AGPAT4: variants seen among roughly 807,000 people sequenced by gnomAD.
AGPAT4 encodes 1-acyl-sn-glycerol-3-phosphate acyltransferase delta.
In AGPAT4, 15 loss-of-function variants were observed where a neutral mutation model predicts 48.0. The observed-to-expected ratio is 0.31, with a 90% CI of 0.21 to 0.48. The LOEUF (loss-of-function observed/expected upper bound fraction) is 0.48. Ranked by LOEUF, AGPAT4 falls within the 20% of genes least tolerant of loss-of-function variation. The pLI is 0.99. For synonymous variants in AGPAT4, 178 were observed against 198.7 expected, an observed-to-expected ratio of 0.90 and a Z score of 0.88; for missense variants, 314 against 482.5, an observed-to-expected ratio of 0.65 and a Z score of 3.27.
intron 2 of AGPAT4, among the ~76,000 whole-genome samples, chr6:161,207,446 T>G (rs1038197572): frequency 3.9e-5 from 6 of 152,198 alleles, no homozygotes; most frequent in African/African-American, 1.4e-4. Context: ...GAAGATGCTA[T>G]AAAGCTGGGT....
rs1780721699 is a variant in AGPAT4 at position 161,184,794 on chromosome 6, C to CA, written c.179-18378dup. Among the ~76,000 whole-genome samples the CA allele has an allele frequency of 6.6e-6, 1 of 152,100 alleles. No individual in the cohort carries two copies. Among genetic ancestry groups the CA allele is most frequent in the African/African-American group, 2.4e-5 (1 of 41,414 alleles). On this transcript the variant is annotated intron_variant, in intron 2 of 8. Transcript: ENST00000320285. The surrounding 1 kb of genome is among the most constrained non-coding windows in gnomAD (Gnocchi z 4.8). Reference sequence around the variant, plus strand: ...CTAGGAGCAATGAGAGCTTGGTAGCCATAAATACCATCAGCCCTTAGATTT... The same window carrying CA: ...CTAGGAGCAATGAGAGCTTGGTAGCCAATAAATACCATCAGCCCTTAGATTT...
intron 2 of AGPAT4, among the ~76,000 whole-genome samples, chr6:161,213,148 C>CA (rs1265028154): frequency 2.0e-5 from 3 of 152,184 alleles, no homozygotes; most frequent in African/African-American, 4.8e-5. Flanking sequence ...TCACCCAACT[C>CA]ATAGGTATTT....
chr6:161,144,303 T>A lies in AGPAT4; in HGVS notation c.843+2221A>T, dbSNP rs762171744. On this transcript the variant is annotated intron_variant, in intron 7 of 8. Transcript: ENST00000320285. The surrounding 1 kb of genome is among the most constrained non-coding windows in gnomAD (Gnocchi z 6.6). ...GAGAAAGGGCCTGGACTCCAGCACC[T>A]GGCTTTGATCAGTGAGCTGGAAAAC... is the stretch of plus-strand genomic sequence containing the variant. 2.0e-5 allele frequency: 9 copies of A among 449,554 alleles called. No individual in the cohort carries two copies. Among genetic ancestry groups the A allele is most frequent in the South Asian group, 1.5e-4 (9 of 61,142 alleles). The allele number at this position is 449,554 out of a possible 1,614,324, so 27.8% of individuals were successfully genotyped here. A position where few individuals can be genotyped will look rare whatever the true frequency, so the allele number is the denominator to read the frequency against.
intron 1 of AGPAT4, among the ~76,000 whole-genome samples, chr6:161,253,777 T>C (rs181301504): frequency 2.6e-5 from 4 of 152,330 alleles, no homozygotes; most frequent in Non-Finnish European, 4.4e-5. Flanking sequence ...AGCTCCTTTC[T>C]ACATTCAACA....
intron 2 of AGPAT4, among the ~76,000 whole-genome samples, chr6:161,230,321 A>G (rs889877967): frequency 3.9e-5 from 6 of 152,240 alleles, no homozygotes; most frequent in Admixed American, 1.3e-4. Flanking sequence ...CAGTAGAAAC[A>G]TACAGGATTT....
At chr6:161,260,946 G>C (rs879594649) in intron 1 of AGPAT4, among the ~76,000 whole-genome samples, 4 of 152,170 alleles carry the variant, frequency 2.6e-5, no homozygotes, top group Non-Finnish European at 5.9e-5. Context: ...CACCAGGCAG[G>C]GCCATGAGGA....
rs1169408602 is a variant in AGPAT4, at chr6:161,197,888, C to T, written c.179-31471G>A. Among the ~76,000 whole-genome samples, 2 of 152,206 alleles carry T rather than the reference C, an allele frequency of 1.3e-5. No individual in the cohort carries two copies. The highest frequency in any genetic ancestry group is 2.9e-5 in the Non-Finnish European group (2 of 68,042). On this transcript the variant is annotated intron_variant, in intron 2 of 8. Coordinates refer to ENST00000320285, the MANE Select transcript of AGPAT4 (RefSeq NM_020133.3). This position sits in a 1 kb window ranked among gnomAD's most constrained non-coding sequence, Gnocchi z 5.7. ...TGATTGATTGAAATGTGGTCTTGGC[C>T]TCACTGTCAATAGCAATGAAAAGCT...
At chr6:161,176,680 A>C (rs1315355582) in intron 2 of AGPAT4, among the ~76,000 whole-genome samples, 2 of 152,156 alleles carry the variant, frequency 1.3e-5, no homozygotes, top group African/African-American at 4.8e-5. Context: ...TGATCCTGTC[A>C]TTATGATGTT....
rs1782658713 is a variant in AGPAT4, at chr6:161,246,675, G to T, written c.-89-14373C>A. 1.3e-5 allele frequency among the ~76,000 whole-genome samples: 2 copies of T among 152,142 alleles called. No homozygotes were observed. Among genetic ancestry groups the T allele is most frequent in the South Asian group, 4.1e-4 (2 of 4,832 alleles). ...CCACCGCACCCAGCCTAGCACAGGGGATTCTTACAGAGCCCCTTGCTAGGT... is the reference window on the plus strand; with the variant it reads ...CCACCGCACCCAGCCTAGCACAGGGTATTCTTACAGAGCCCCTTGCTAGGT... On this transcript the variant is annotated intron_variant, in intron 1 of 8. Coordinates refer to ENST00000320285, the MANE Select transcript of AGPAT4 (RefSeq NM_020133.3). This position sits in a 1 kb window ranked among gnomAD's most constrained non-coding sequence, Gnocchi z 5.5.
Position 161,215,634 on chromosome 6 carries a change from A to G in AGPAT4, c.178+16402T>C, listed in dbSNP as rs762999284. ...TATTCTGAAGCCTAGCACATGCTTG[A>G]AACACTGATATCCTTGCAGTGGCTG... On this transcript the variant is annotated intron_variant, in intron 2 of 8. Coordinates refer to ENST00000320285, the MANE Select transcript of AGPAT4 (RefSeq NM_020133.3). This position sits in a 1 kb window ranked among gnomAD's most constrained non-coding sequence, Gnocchi z 4.5. Among the ~76,000 whole-genome samples the G allele has an allele frequency of 3.9e-5, 6 of 152,054 alleles. No individual in the cohort carries two copies. Among genetic ancestry groups the G allele is most frequent in the Non-Finnish European group, 8.8e-5 (6 of 68,020 alleles).
rs1282314026 is a variant in AGPAT4, at chr6:161,195,989, G to T, written c.179-29572C>A. ...GTGCAGAGGCAGCTCACACCCACAA[G>T]GCTCTGTGATTCACGTGCTGGATAT... On this transcript the variant is annotated intron_variant, in intron 2 of 8. Transcript: ENST00000320285. This position sits in a 1 kb window ranked among gnomAD's most constrained non-coding sequence, Gnocchi z 5.0. 6.6e-6 allele frequency among the ~76,000 whole-genome samples: 1 copy of T among 152,194 alleles called. No homozygotes were observed. The highest frequency in any genetic ancestry group is 1.5e-5 in the Non-Finnish European group (1 of 68,042).
Position 161,139,586 on chromosome 6 carries a change from G to T in AGPAT4, c.878C>A (p.Thr293Asn), listed in dbSNP as rs1479412309. Residue 293 changes from threonine (T) to asparagine (N), a missense_variant, in exon 8 of 9, where the codon ACC becomes AAC. By Grantham distance (65) the Thr-to-Asn change is moderately conservative. Coordinates refer to ENST00000320285, the MANE Select transcript of AGPAT4 (RefSeq NM_020133.3). The surrounding 1 kb of genome is among the most constrained non-coding windows in gnomAD (Gnocchi z 9.1). ...AFQEEYYRTG[T>N]FPETPMVPPR... ...GGGCACCATGGGCGTCTCTGGGAAG[G>T]TGCCCGTCCTGTAGTACTCCTCCTG... 1 of 1,613,516 alleles carries T rather than the reference G, an allele frequency of 6.2e-7. No homozygotes were observed. Among genetic ancestry groups the T allele is most frequent in the Non-Finnish European group, 8.5e-7 (1 of 1,179,614 alleles).
chr6:161,139,492 C>T lies in AGPAT4; in HGVS notation c.972G>A (p.Gln324=), dbSNP rs1258564495. Reference sequence around the variant, plus strand: ...CGCTCCTGATCATGCTGACCAGGAACTGGAAGAAAGGGTAGAGCACCAGCG... The same window carrying T: ...CGCTCCTGATCATGCTGACCAGGAATTGGAAGAAAGGGTAGAGCACCAGCG... ...WASLVLYPFF[Q]FLVSMIRSGS... Residue 324 remains glutamine (Q), a synonymous_variant, in exon 8 of 9, where the codon CAG becomes CAA. Transcript: ENST00000320285. This position sits in a 1 kb window ranked among gnomAD's most constrained non-coding sequence, Gnocchi z 9.1. 13 of 1,614,086 alleles carry T rather than the reference C, an allele frequency of 8.1e-6. No homozygotes were observed. The highest frequency in any genetic ancestry group is 1.1e-5 in the Non-Finnish European group (13 of 1,180,018).
rs924625646 is a variant in AGPAT4, at chr6:161,220,251, T to C, written c.178+11785A>G. Among the ~76,000 whole-genome samples the C allele has an allele frequency of 6.6e-6, 1 of 152,160 alleles. No homozygotes were observed. The highest frequency in any genetic ancestry group is 1.5e-5 in the Non-Finnish European group (1 of 68,040). On this transcript the variant is annotated intron_variant, in intron 2 of 8. Transcript: ENST00000320285. The surrounding 1 kb of genome is among the most constrained non-coding windows in gnomAD (Gnocchi z 6.0). ...CTCATTCCTAATACCTCCTTCTTTC[T>C]CCTAAATAAACAAAAATGTGTTGGC...
At position 161,165,638 on chromosome 6, in the gene AGPAT4, AGT is replaced by A; in HGVS notation, c.348+608_348+609del. 5 of 1,304,638 alleles carry A rather than the reference AGT, an allele frequency of 3.8e-6. No individual in the cohort carries two copies. Among genetic ancestry groups the A allele is most frequent in the Non-Finnish European group, 5.1e-6 (5 of 989,554 alleles). The allele number at this position is 1,304,638 out of a possible 1,614,324, so 80.8% of individuals were successfully genotyped here. On this transcript the variant is annotated intron_variant, in intron 3 of 8. Coordinates refer to ENST00000320285, the MANE Select transcript of AGPAT4 (RefSeq NM_020133.3). The surrounding 1 kb of genome is among the most constrained non-coding windows in gnomAD (Gnocchi z 5.5). ...CACAGGCTCAACCGCTACACGCTGC[AGT>A]GTGTTGAAGACGACAAAAGTCAACT...
chr6:161,148,688 T>C lies in AGPAT4; in HGVS notation c.767+499A>G, dbSNP rs780795587. ...TGATTTTGGTGACATTCTGGAGGTG[T>C]TCAGCCCATTCTATAAGCAGGCAGA... is the stretch of plus-strand genomic sequence containing the variant. On this transcript the variant is annotated intron_variant, in intron 6 of 8. Transcript: ENST00000320285. This position sits in a 1 kb window ranked among gnomAD's most constrained non-coding sequence, Gnocchi z 5.5. Among the ~76,000 whole-genome samples the C allele has an allele frequency of 3.9e-5, 6 of 152,212 alleles. No individual in the cohort carries two copies. Among genetic ancestry groups the C allele is most frequent in the Non-Finnish European group, 7.3e-5 (5 of 68,042 alleles).
In AGPAT4 at chr6:161,240,879, A is replaced by C. The variant is rs369891880; in HGVS notation, c.-89-8577T>G. ...GGCTCCCTTAGAGTTCAGTTGGCCT[A>C]ATTCCTACAACCAAACAGGAGAGAA... On this transcript the variant is annotated intron_variant, in intron 1 of 8. Transcript: ENST00000320285. The surrounding 1 kb of genome is among the most constrained non-coding windows in gnomAD (Gnocchi z 5.5). Among the ~76,000 whole-genome samples, 6 of 152,322 alleles carry C rather than the reference A, an allele frequency of 3.9e-5. No homozygotes were observed. The highest frequency in any genetic ancestry group is 3.4e-3 in the Middle Eastern group (1 of 294).
Position 161,219,883 on chromosome 6 carries a change from G to A in AGPAT4, c.178+12153C>T, listed in dbSNP as rs1263170822. 0.023 allele frequency among the ~76,000 whole-genome samples: 2,699 copies of A among 118,792 alleles called. 60 individuals carry two copies. Among genetic ancestry groups the A allele is most frequent in the African/African-American group, 0.029 (870 of 29,658 alleles). The allele number at this position is 118,792 out of a possible 152,430, so 77.9% of individuals were successfully genotyped here. The stretch of plus-strand genomic sequence containing the variant: ...GATAGATAGATAGATAGGCAGGCAG[G>A]CAGGCAGGCAGGCAGGCAGGCAGGC... On this transcript the variant is annotated intron_variant, in intron 2 of 8. Transcript: ENST00000320285. This position sits in a 1 kb window ranked among gnomAD's most constrained non-coding sequence, Gnocchi z 4.9.
At position 161,154,958 on chromosome 6, in the gene AGPAT4, C is replaced by T. The variant is rs1779726276; in HGVS notation, c.349-648G>A. Among the ~76,000 whole-genome samples, 1 of 152,236 alleles carries T rather than the reference C, an allele frequency of 6.6e-6. No homozygotes were observed. On this transcript the variant is annotated intron_variant, in intron 3 of 8. Coordinates refer to ENST00000320285, the MANE Select transcript of AGPAT4 (RefSeq NM_020133.3). The surrounding 1 kb of genome is among the most constrained non-coding windows in gnomAD (Gnocchi z 7.8). Reference sequence around the variant, plus strand: ...CAGGCTGCGGAGCCCAGTGGGATCTCCGGGTACAGCTGGTCCAAGCTGGGA... The same window carrying T: ...CAGGCTGCGGAGCCCAGTGGGATCTTCGGGTACAGCTGGTCCAAGCTGGGA...
Sources: gnomAD v4.1 joint callset for allele counts (sites outside exome capture counted in the v4.1 genomes callset) on GRCh38, gnomAD v4.1.1 for gene constraint, Gnocchi (gnomAD v3.1) non-coding constraint, MANE v1.5 for transcripts, NCBI Gene and HGNC (gene_info 2026-07-23, HGNC 2026-07-21) for gene names.